MGAT4C: variants seen among roughly 807,000 people sequenced by gnomAD.
MGAT4C encodes MGAT4 family member C.
MGAT4C carries 19 observed loss-of-function variants against 40.1 expected under a neutral mutation model. The observed-to-expected ratio is 0.47, with a 90% CI of 0.33 to 0.70. The LOEUF is 0.70. MGAT4C is among the 30% of genes least tolerant of loss of function. MGAT4C has a pLI of 0.02. For missense variants in MGAT4C, 491 were observed against 563.2 expected, an observed-to-expected ratio of 0.87 and a Z score of 1.30; for synonymous variants, 181 against 187.1, an observed-to-expected ratio of 0.97 and a Z score of 0.27.
intron 2 of MGAT4C, among the ~76,000 whole-genome samples, chr12:86,623,064 A>T (rs964609706): frequency 6.6e-6 from 1 of 152,142 alleles, no homozygotes; most frequent in African/African-American, 2.4e-5. Context: ...GGTTCATAGA[A>T]ACAAAAGTTA....
At chr12:86,509,302 A>G (rs1166453233) in intron 2 of MGAT4C, among the ~76,000 whole-genome samples, 1 of 152,124 alleles carries the variant, frequency 6.6e-6, no homozygotes, top group African/African-American at 2.4e-5. Flanking sequence ...TCCCAGCACC[A>G]TTTATTTAAT....
chr12:86,119,898 T>G (rs1258152647), intron 1 of MGAT4C, among the ~76,000 whole-genome samples: 2 of 151,860 alleles, frequency 1.3e-5, no homozygotes, highest in Non-Finnish European at 2.9e-5. Flanking sequence ...TGAATAAAAC[T>G]GGGTTCCAGG....
At chr12:86,591,713 G>A (rs1000898464) in intron 2 of MGAT4C, among the ~76,000 whole-genome samples, 1 of 151,530 alleles carries the variant, frequency 6.6e-6, no homozygotes, top group African/African-American at 2.4e-5. Flanking sequence ...ATATACAAAT[G>A]TTCCAGAATT....
Position 85,975,088 on chromosome 12 carries a change from T to C in MGAT4C, c.*4201A>G, listed in dbSNP as rs2136667264. 6.6e-6 allele frequency: 1 copy of C among 151,068 alleles called. No homozygotes were observed. Among genetic ancestry groups the C allele is most frequent in the South Asian group, 2.1e-4 (1 of 4,830 alleles). 9.4% of individuals were successfully genotyped at this position (151,068 alleles called of 1,614,324 possible). A position where few individuals can be genotyped will look rare whatever the true frequency, so the allele number is the denominator to read the frequency against. ...TTAAAACAGAAATGAATATTATTAT[T>C]TGTGATGAGAGCACTAGGGGCAATT... On this transcript the variant is annotated 3_prime_UTR_variant, in exon 5 of 5. Coordinates refer to ENST00000611864, the MANE Select transcript of MGAT4C (RefSeq NM_001351288.2).
intron 2 of MGAT4C, among the ~76,000 whole-genome samples, chr12:86,574,554 A>G (rs1348406824): frequency 6.6e-6 from 1 of 151,744 alleles, no homozygotes; most frequent in Non-Finnish European, 1.5e-5. Context: ...GCATGTTAAA[A>G]TGTTTAAGAT....
intron 1 of MGAT4C, among the ~76,000 whole-genome samples, chr12:86,066,306 A>G (rs1894536641): frequency 6.6e-6 from 1 of 152,158 alleles, no homozygotes. Context: ...CTGACTTCAA[A>G]CTATACTACA....
chr12:86,452,769 CTT>C (rs1957447838), intron 2 of MGAT4C, among the ~76,000 whole-genome samples: 1 of 152,056 alleles, frequency 6.6e-6, no homozygotes, highest in Non-Finnish European at 1.5e-5. Flanking sequence ...TGCTTAGTAA[CTT>C]TGACTCCAGT....
intron 3 of MGAT4C, among the ~76,000 whole-genome samples, chr12:86,405,949 T>G (rs1328681788): frequency 3.0e-4 from 1 of 3,348 alleles, no homozygotes; most frequent in Non-Finnish European, 5.0e-4. Flanking sequence ...TATAAATACA[T>G]GTATGTATTT....
intron 1 of MGAT4C, among the ~76,000 whole-genome samples, chr12:86,203,032 G>A (rs1174931135): frequency 5.3e-5 from 8 of 151,420 alleles, no homozygotes; most frequent in African/African-American, 1.9e-4. Context: ...GTGTGTGTGT[G>A]TGTGTGTGTG....
chr12:86,580,584 A>G (rs530290385), intron 2 of MGAT4C, among the ~76,000 whole-genome samples: 35 of 151,550 alleles, frequency 2.3e-4, no homozygotes, highest in Non-Finnish European at 4.9e-4. Flanking sequence ...TATGTCCGAT[A>G]GTCACACAGG....
chr12:86,078,584 C>G (rs970516285), intron 1 of MGAT4C, among the ~76,000 whole-genome samples: 1 of 152,330 alleles, frequency 6.6e-6, no homozygotes, highest in East Asian at 1.9e-4. Context: ...TGGCTTGTCA[C>G]TCCAAGGAAT....
chr12:86,797,047 G>A (rs772941432), intron 1 of MGAT4C, among the ~76,000 whole-genome samples: 23 of 151,902 alleles, frequency 1.5e-4, no homozygotes, highest in Non-Finnish European at 2.7e-4. Flanking sequence ...CATCCAGAAT[G>A]AGTATGATTA....
At chr12:86,607,682 T>C (rs1313606303) in intron 2 of MGAT4C, among the ~76,000 whole-genome samples, 1 of 152,162 alleles carries the variant, frequency 6.6e-6, no homozygotes, top group Non-Finnish European at 1.5e-5. Context: ...GGTGAAATCA[T>C]AGATAGGATT....
At chr12:86,025,179 C>T (rs763263711) in intron 2 of MGAT4C, among the ~76,000 whole-genome samples, 20 of 150,486 alleles carry the variant, frequency 1.3e-4, no homozygotes, top group Non-Finnish European at 2.8e-4. Flanking sequence ...TTTTCAATTC[C>T]CCCCATGGTA....
intron 2 of MGAT4C, among the ~76,000 whole-genome samples, chr12:85,992,612 T>C (rs553570474): frequency 1.3e-5 from 2 of 152,378 alleles, no homozygotes; most frequent in African/African-American, 2.4e-5. Context: ...ATCAAAAGCA[T>C]AAAATGGAAA....
At chr12:86,067,072 G>A (rs149365852) in intron 1 of MGAT4C, among the ~76,000 whole-genome samples, 135 of 152,316 alleles carry the variant, frequency 8.9e-4, no homozygotes, top group Middle Eastern at 3.4e-3. Context: ...ATGCTGGAGA[G>A]GATATGGAGA....
At chr12:86,136,947 A>T (rs1176171447) in intron 1 of MGAT4C, among the ~76,000 whole-genome samples, 1 of 152,026 alleles carries the variant, frequency 6.6e-6, no homozygotes, top group Non-Finnish European at 1.5e-5. Flanking sequence ...CGGCCTCCCA[A>T]AGTGCTGGGA....
At chr12:86,484,856 T>G (rs1223302600) in intron 2 of MGAT4C, among the ~76,000 whole-genome samples, 1 of 152,058 alleles carries the variant, frequency 6.6e-6, no homozygotes, top group Non-Finnish European at 1.5e-5. Flanking sequence ...TGGGGTCAGG[T>G]CTTTCCCCAG....
chr12:86,367,916 C>T (rs1169024187), intron 3 of MGAT4C, among the ~76,000 whole-genome samples: 1 of 152,208 alleles, frequency 6.6e-6, no homozygotes, highest in African/African-American at 2.4e-5. Context: ...AAGCGCCTCT[C>T]AGGTTTGTTT....
Sources: gnomAD v4.1 joint callset for allele counts (sites outside exome capture counted in the v4.1 genomes callset) on GRCh38, gnomAD v4.1.1 for gene constraint, MANE v1.5 for transcripts, NCBI Gene and HGNC (gene_info 2026-07-23, HGNC 2026-07-21) for gene names.